Variants in KLHL1 observed in about 807,000 individuals in gnomAD.
KLHL1 encodes kelch-like protein 1.
KLHL1 carries 47 observed loss-of-function variants against 77.7 expected under a neutral mutation model. That is an observed-to-expected ratio of 0.60 (90% CI 0.48 to 0.77). The LOEUF (loss-of-function observed/expected upper bound fraction) is 0.77. Among genes scored for constraint, KLHL1 ranks in the 30% least tolerant of loss-of-function variants. The pLI, the probability that KLHL1 is intolerant of heterozygous loss-of-function variation, is 0.00. For synonymous variants in KLHL1, 360 were observed against 325.2 expected, an observed-to-expected ratio of 1.11 and a Z score of -1.15; for missense variants, 925 against 910.8, an observed-to-expected ratio of 1.02 and a Z score of -0.20.
At chr13:70,055,588 A>C (rs1184472348) in intron 1 of KLHL1, among the ~76,000 whole-genome samples, 1 of 152,144 alleles carries the variant, frequency 6.6e-6, no homozygotes, top group African/African-American at 2.4e-5. Context: ...CAAACCTATA[A>C]AATAATGACT....
intron 6 of KLHL1, among the ~76,000 whole-genome samples, chr13:69,819,586 CT>C (rs1878254735): frequency 6.6e-6 from 1 of 150,660 alleles, no homozygotes; most frequent in Non-Finnish European, 1.5e-5. Flanking sequence ...TGACCTATGG[CT>C]GTAAGTAGTC....
intron 4 of KLHL1, among the ~76,000 whole-genome samples, chr13:69,890,273 C>T (rs562207938): frequency 7.2e-5 from 11 of 151,998 alleles, no homozygotes; most frequent in African/African-American, 2.4e-4. Flanking sequence ...ATCATGGATT[C>T]GGAAAGCACT....
chr13:69,933,273 A>G (rs1021863256), intron 4 of KLHL1, among the ~76,000 whole-genome samples: 23 of 152,170 alleles, frequency 1.5e-4, no homozygotes, highest in African/African-American at 4.3e-4. Flanking sequence ...AAAAGATAAC[A>G]TTAAAAATCA....
At chr13:69,933,988 G>A (rs574091781) in intron 4 of KLHL1, among the ~76,000 whole-genome samples, 10 of 152,096 alleles carry the variant, frequency 6.6e-5, no homozygotes, top group Non-Finnish European at 1.3e-4. Flanking sequence ...GAAATCTGTA[G>A]TGAGATAGTA....
intron 4 of KLHL1, among the ~76,000 whole-genome samples, chr13:69,932,824 G>A (rs1883042805): frequency 6.6e-6 from 1 of 151,830 alleles, no homozygotes. Flanking sequence ...TTTGTAACAC[G>A]AGTACAAATT....
intron 8 of KLHL1, among the ~76,000 whole-genome samples, chr13:69,728,313 T>C (rs1488443943): frequency 6.6e-6 from 1 of 152,086 alleles, no homozygotes. Flanking sequence ...TAGGACATAA[T>C]GGAAAAACAA....
chr13:69,777,434 G>T (rs958673502), intron 7 of KLHL1, among the ~76,000 whole-genome samples: 1 of 151,594 alleles, frequency 6.6e-6, no homozygotes, highest in Admixed American at 6.6e-5. Context: ...TCTTAAAGTG[G>T]GATTATAGAG....
intron 6 of KLHL1, among the ~76,000 whole-genome samples, chr13:69,800,438 C>T (rs1877326977): frequency 6.6e-6 from 1 of 151,992 alleles, no homozygotes; most frequent in African/African-American, 2.4e-5. Flanking sequence ...TTCAATCTTG[C>T]TCAGTTATAT....
chr13:70,056,719 G>A (rs887290324), intron 1 of KLHL1, among the ~76,000 whole-genome samples: 8 of 152,042 alleles, frequency 5.3e-5, no homozygotes, highest in Non-Finnish European at 7.4e-5. Context: ...GCTCCTGAAT[G>A]ACCAATGGGT....
At chr13:70,019,553 A>G (rs1017974244) in intron 1 of KLHL1, among the ~76,000 whole-genome samples, 27 of 152,280 alleles carry the variant, frequency 1.8e-4, no homozygotes, top group African/African-American at 5.3e-4. Context: ...TCCATGCCAG[A>G]CGATCTGCTA....
intron 4 of KLHL1, among the ~76,000 whole-genome samples, chr13:69,908,226 T>C (rs139235019): frequency 6.9e-4 from 105 of 151,468 alleles, no homozygotes; most frequent in African/African-American, 2.3e-3. Flanking sequence ...GCCAGAACCA[T>C]GGGGGTTAGT....
chr13:69,994,301 G>C (rs1885095295), intron 1 of KLHL1, among the ~76,000 whole-genome samples: 1 of 151,944 alleles, frequency 6.6e-6, no homozygotes, highest in Non-Finnish European at 1.5e-5. Context: ...ACAATTAGAG[G>C]GCATGAACAA....
At chr13:69,969,336 A>C (rs917138287) in intron 2 of KLHL1, among the ~76,000 whole-genome samples, 11 of 152,214 alleles carry the variant, frequency 7.2e-5, no homozygotes, top group African/African-American at 2.4e-4. Flanking sequence ...AGTAACTAAA[A>C]TGTCAACTTT....
intron 1 of KLHL1, among the ~76,000 whole-genome samples, chr13:70,069,992 C>G (rs1178284544): frequency 6.6e-6 from 1 of 151,730 alleles, no homozygotes; most frequent in Non-Finnish European, 1.5e-5. Context: ...CACGGTGAAA[C>G]CCCGTCTCCA....
chr13:70,072,662 A>C (rs1439212764), intron 1 of KLHL1, among the ~76,000 whole-genome samples: 1 of 152,138 alleles, frequency 6.6e-6, no homozygotes, highest in Non-Finnish European at 1.5e-5. Flanking sequence ...TGTGGAATAC[A>C]TCAATCACAT....
At chr13:70,068,339 TCAAAAA>T (rs72187113) in intron 1 of KLHL1, among the ~76,000 whole-genome samples, 45,217 of 148,616 alleles carry the variant, frequency 0.3, 7,429 homozygotes, top group East Asian at 0.67. Context: ...AGACTCCGTC[TCAAAAA>T]CAAAAACAAA....
Position 69,947,130 on chromosome 13 carries a change from C to G in KLHL1, c.818-6894G>C, listed in dbSNP as rs370067588. Among the ~76,000 whole-genome samples, 110 of 150,660 alleles carry G rather than the reference C, an allele frequency of 7.3e-4. 3 individuals carry two copies. In the South Asian group the frequency reaches 0.023, roughly 31 times the overall value. ...TAATTCTTGTGTGTTTCCATCACCC[C>G]TTGTGAACATTCTGAACCCTGTTGA... On this transcript the variant is annotated intron_variant, in intron 3 of 10. Coordinates refer to ENST00000377844, the MANE Select transcript of KLHL1 (RefSeq NM_020866.3).
chr13:69,834,578 G>C (rs1878905345), intron 6 of KLHL1, among the ~76,000 whole-genome samples: 1 of 152,008 alleles, frequency 6.6e-6, no homozygotes. Context: ...TGTGAGACTT[G>C]TCCACTTTGG....
At chr13:69,901,884 G>T (rs1158358940) in intron 4 of KLHL1, among the ~76,000 whole-genome samples, 1 of 144,902 alleles carries the variant, frequency 6.9e-6, no homozygotes, top group African/African-American at 2.5e-5. Flanking sequence ...TGCAACCTCT[G>T]CCTCACGGGT....
Sources: allele counts gnomAD v4.1 joint callset (sites outside exome capture counted in the v4.1 genomes callset), GRCh38; gene constraint gnomAD v4.1.1; transcripts MANE v1.5; gene names NCBI Gene and HGNC (gene_info 2026-07-23, HGNC 2026-07-21).